The following ATOSA variants were observed in gnomAD, a reference collection of about 807,000 sequenced individuals.
ATOSA encodes atos homolog A.
At chr15:52,636,082 AAAAT>A in the ATOSA span, among the ~76,000 whole-genome samples, 18 of 146,536 alleles carry the variant, frequency 1.2e-4, no homozygotes, top group Non-Finnish European at 2.1e-4. Context: ...ATATTAAATT[AAAAT>A]AATAAAATTA....
chr15:52,600,990 C>G, the ATOSA span: 1 of 762,034 alleles, frequency 1.3e-6, no homozygotes, highest in African/African-American at 1.8e-5. Context: ...ATTCCTGTTA[C>G]AATTCTGATG....
chr15:52,622,917 G>A, the ATOSA span, among the ~76,000 whole-genome samples: 1 of 151,802 alleles, frequency 6.6e-6, no homozygotes, highest in Non-Finnish European at 1.5e-5. Context: ...AAGCCCAGGA[G>A]TTTGAGACCA....
chr15:52,617,180 G>A, the ATOSA span, among the ~76,000 whole-genome samples: 1 of 152,070 alleles, frequency 6.6e-6, no homozygotes, highest in Middle Eastern at 3.2e-3. Context: ...GAGGTCATAA[G>A]GGTGGTAACG....
the ATOSA span, among the ~76,000 whole-genome samples, chr15:52,638,857 A>G: frequency 6.6e-6 from 1 of 152,082 alleles, no homozygotes; most frequent in East Asian, 1.9e-4. Flanking sequence ...ATTTTTAAAA[A>G]TTACTTCCTA....
chr15:52,585,725 T>G, the ATOSA span, among the ~76,000 whole-genome samples: 13 of 152,314 alleles, frequency 8.5e-5, no homozygotes, highest in African/African-American at 3.1e-4. Context: ...GAAGGAATAT[T>G]ATTTTTAAAG....
At chr15:52,694,043 A>G in the ATOSA span, among the ~76,000 whole-genome samples, 1 of 152,128 alleles carries the variant, frequency 6.6e-6, no homozygotes, top group Admixed American at 6.5e-5. Context: ...TTTTATACAT[A>G]TCCTCCAAAT....
chr15:52,626,407 AGT>A, the ATOSA span, among the ~76,000 whole-genome samples: 2 of 152,168 alleles, frequency 1.3e-5, no homozygotes, highest in African/African-American at 4.8e-5. Context: ...TTATAAATAA[AGT>A]GTTTCAATGT....
At chr15:52,665,584 T>C in the ATOSA span, among the ~76,000 whole-genome samples, 1 of 152,218 alleles carries the variant, frequency 6.6e-6, no homozygotes, top group Non-Finnish European at 1.5e-5. Flanking sequence ...ATGTGATTTT[T>C]ACAATAATCA....
the ATOSA span, among the ~76,000 whole-genome samples, chr15:52,584,344 G>C: frequency 6.6e-6 from 1 of 151,888 alleles, no homozygotes; most frequent in Non-Finnish European, 1.5e-5. Flanking sequence ...GTTTCACTAT[G>C]TTGGCCAGGT....
At chr15:52,640,003 C>T in the ATOSA span, among the ~76,000 whole-genome samples, 58 of 151,966 alleles carry the variant, frequency 3.8e-4, no homozygotes, top group Middle Eastern at 3.4e-3. Context: ...CGTGATCCGC[C>T]GGCCTCAGCT....
the ATOSA span, among the ~76,000 whole-genome samples, chr15:52,612,659 C>G: frequency 9.2e-5 from 14 of 152,026 alleles, 1 homozygote; most frequent in South Asian, 2.7e-3. Context: ...CACCCACCAC[C>G]ACACCCAGCG....
the ATOSA span, chr15:52,593,832 G>T: frequency 1.7e-6 from 2 of 1,206,480 alleles, no homozygotes; most frequent in Non-Finnish European, 2.3e-6. Flanking sequence ...TAAAGGCAGA[G>T]AAGTGATTAA....
the ATOSA span, among the ~76,000 whole-genome samples, chr15:52,645,452 A>G: frequency 6.6e-6 from 1 of 151,802 alleles, no homozygotes; most frequent in Admixed American, 6.6e-5. Context: ...TCAAATAAAT[A>G]AATAAATAAA....
the ATOSA span, among the ~76,000 whole-genome samples, chr15:52,683,141 C>G: frequency 2.4e-3 from 367 of 152,218 alleles, no homozygotes; most frequent in African/African-American, 8.2e-3. Flanking sequence ...TCCGACCCAC[C>G]AAGACTTAAT....
the ATOSA span, among the ~76,000 whole-genome samples, chr15:52,661,931 CAAAAAAAAAAAA>C: frequency 2.7e-5 from 2 of 73,258 alleles, no homozygotes; most frequent in African/African-American, 6.0e-5. Flanking sequence ...CAAGCCAGGC[CAAAAAAAAAAAA>C]AAAAAAAAAC....
the ATOSA span, among the ~76,000 whole-genome samples, chr15:52,634,774 G>C: frequency 6.6e-6 from 1 of 151,886 alleles, no homozygotes; most frequent in Non-Finnish European, 1.5e-5. Context: ...GCTAATTTTT[G>C]TATTTTTGGT....
chr15:52,641,333 A>G, the ATOSA span, among the ~76,000 whole-genome samples: 1 of 152,260 alleles, frequency 6.6e-6, no homozygotes, highest in Non-Finnish European at 1.5e-5. Flanking sequence ...CTCTGTGTGA[A>G]TAGTAACCAA....
At chr15:52,682,974 C>T in the ATOSA span, among the ~76,000 whole-genome samples, 2 of 152,152 alleles carry the variant, frequency 1.3e-5, no homozygotes, top group Admixed American at 1.3e-4. Context: ...TCCTGTTTGT[C>T]TACCCTCTAA....
chr15:52,674,697 C>G, the ATOSA span, among the ~76,000 whole-genome samples: 1 of 152,010 alleles, frequency 6.6e-6, no homozygotes, highest in South Asian at 2.1e-4. Flanking sequence ...AGTTTGAACA[C>G]TATCAATGCA....
Sources: gnomAD v4.1 joint callset for allele counts (sites outside exome capture counted in the v4.1 genomes callset) on GRCh38, gnomAD v4.1.1 for gene constraint, MANE v1.5 for transcripts, NCBI Gene and HGNC (gene_info 2026-07-23, HGNC 2026-07-21) for gene names.